CMTM8: variants seen among roughly 807,000 people sequenced by gnomAD.
CMTM8 encodes the protein CKLF-like MARVEL transmembrane domain-containing protein 8.
A neutral mutation model predicts 18.6 loss-of-function variants in CMTM8; 12 were observed. The observed-to-expected ratio is 0.65, with a 90% confidence interval of 0.41 to 1.05. The LOEUF (loss-of-function observed/expected upper bound fraction) is 1.05, where lower values mean the gene tolerates loss of function less well. Among genes scored for constraint, CMTM8 ranks in the 50% least tolerant of loss-of-function variants. The pLI, the probability that CMTM8 is intolerant of heterozygous loss-of-function variation, is 0.00. For synonymous variants in CMTM8, 87 were observed against 90.6 expected, an observed-to-expected ratio of 0.96 and a Z score of 0.23; for missense variants, 217 against 227.2, an observed-to-expected ratio of 0.95 and a Z score of 0.29.
intron 1 of CMTM8, among the ~76,000 whole-genome samples, chr3:32,264,625 C>T (rs550867201): frequency 0.011 from 1,668 of 152,266 alleles, 30 homozygotes; most frequent in African/African-American, 0.038. Flanking sequence ...TGTAAATGGG[C>T]TAAATGCTCC....
rs1701906361 is a variant in CMTM8, at chr3:32,238,947, C to G, written c.-26C>G. ...CCAGACCCGCCGGGGTCCCTGGGGA[C>G]GCGCCAGCCCGGCAGTGGCTCGACG... On this transcript the variant is annotated 5_prime_UTR_variant, in exon 1 of 4. Coordinates refer to ENST00000307526, the MANE Select transcript of CMTM8 (RefSeq NM_178868.5). The G allele has an allele frequency of 6.5e-7, 1 of 1,540,412 alleles. No individual in the cohort carries two copies. Among genetic ancestry groups the G allele is most frequent in the East Asian group, 2.5e-5 (1 of 39,824 alleles).
At chr3:32,318,397 A>T (rs1248749685) in intron 1 of CMTM8, among the ~76,000 whole-genome samples, 4 of 151,916 alleles carry the variant, frequency 2.6e-5, no homozygotes, top group Admixed American at 2.0e-4. Context: ...TCTCATAAAG[A>T]TGTTTGCAGC....
chr3:32,359,101 C>T (rs1696869590), intron 2 of CMTM8, among the ~76,000 whole-genome samples: 1 of 152,162 alleles, frequency 6.6e-6, no homozygotes, highest in South Asian at 2.1e-4. Context: ...CTTATTTCCC[C>T]TTTTGCATGA....
At chr3:32,361,893 A>G (rs1442766080) in intron 2 of CMTM8, among the ~76,000 whole-genome samples, 6 of 152,164 alleles carry the variant, frequency 3.9e-5, no homozygotes, top group Admixed American at 2.0e-4. Flanking sequence ...TGCCTTCTTC[A>G]TAGCACCAAG....
Position 32,367,873 on chromosome 3 carries a change from G to A in CMTM8, c.323G>A (p.Gly108Asp). The change falls in exon 3 of 4, where the codon GGC (glycine) becomes GAC (aspartate). Residue 108 changes from glycine to aspartate, a missense_variant and splice_region_variant. Transcript: ENST00000307526. Reference sequence around the variant, plus strand: ...CACTCTGCCCCTGTGTCCCCCCAGGGCCTGTGCTTTAACGGCAGTGCCTTC... The same window carrying A: ...CACTCTGCCCCTGTGTCCCCCCAGGACCTGTGCTTTAACGGCAGTGCCTTC... ...RIPQVPWTTVGLCFNGSAFVL... is the reference protein window; with the variant it reads ...RIPQVPWTTVDLCFNGSAFVL... 6.2e-7 allele frequency: 1 copy of A among 1,610,670 alleles called. No individual in the cohort carries two copies. The highest frequency in any genetic ancestry group is 8.5e-7 in the Non-Finnish European group (1 of 1,177,226).
chr3:32,247,024 C>T (rs1206021050), intron 1 of CMTM8, among the ~76,000 whole-genome samples: 1 of 152,088 alleles, frequency 6.6e-6, no homozygotes, highest in Non-Finnish European at 1.5e-5. Context: ...TCGCTTGAAC[C>T]TGGGAGGCAG....
At chr3:32,269,137 A>G (rs1185027479) in intron 1 of CMTM8, among the ~76,000 whole-genome samples, 4 of 152,224 alleles carry the variant, frequency 2.6e-5, no homozygotes, top group Non-Finnish European at 4.4e-5. Context: ...GAAAGCAGTT[A>G]TGTTGGCTGA....
intron 1 of CMTM8, among the ~76,000 whole-genome samples, chr3:32,352,616 G>T (rs73824701): frequency 0.028 from 4,332 of 152,284 alleles, 121 homozygotes; most frequent in African/African-American, 0.065. Context: ...ATACTACAGG[G>T]TCCATTTATA....
At chr3:32,368,011 A>C in intron 3 of CMTM8, 23 bp downstream of exon 3, 11 of 1,438,580 alleles carry the variant, frequency 7.6e-6, no homozygotes, top group Non-Finnish European at 1.1e-5. Context: ...CCATCCCCAC[A>C]TGATCCTCCT....
chr3:32,343,112 G>A (rs1003623389), intron 1 of CMTM8, among the ~76,000 whole-genome samples: 3 of 152,212 alleles, frequency 2.0e-5, no homozygotes, highest in African/African-American at 7.2e-5. Context: ...AAGACTATGG[G>A]ATAAATAAAA....
At chr3:32,340,851 A>G (rs769826706) in intron 1 of CMTM8, among the ~76,000 whole-genome samples, 1 of 152,258 alleles carries the variant, frequency 6.6e-6, no homozygotes, top group African/African-American at 2.4e-5. Context: ...CCTCCTGTGC[A>G]GGGACCCAAG....
At chr3:32,325,593 C>T (rs150990855) in intron 1 of CMTM8, among the ~76,000 whole-genome samples, 306 of 152,250 alleles carry the variant, frequency 2.0e-3, no homozygotes, top group Middle Eastern at 3.4e-3. Context: ...GGTCTTAAGG[C>T]GAGGCCTGAA....
chr3:32,347,553 G>T (rs1696625975), intron 1 of CMTM8, among the ~76,000 whole-genome samples: 1 of 152,186 alleles, frequency 6.6e-6, no homozygotes, highest in Middle Eastern at 3.4e-3. Flanking sequence ...TGGGGCCTCA[G>T]TACTCTCAAG....
At chr3:32,302,135 C>CA (rs11425966) in intron 1 of CMTM8, among the ~76,000 whole-genome samples, 40,606 of 136,302 alleles carry the variant, frequency 0.3, 5,924 homozygotes, top group East Asian at 0.66. Flanking sequence ...CCTGTCTCTA[C>CA]AAAAAAAAAA....
chr3:32,360,739 G>A (rs1223568132), intron 2 of CMTM8, among the ~76,000 whole-genome samples: 2 of 152,228 alleles, frequency 1.3e-5, no homozygotes, highest in Non-Finnish European at 2.9e-5. Flanking sequence ...GCTGCTCAAA[G>A]TGTGGTCCCT....
intron 1 of CMTM8, among the ~76,000 whole-genome samples, chr3:32,344,434 T>A (rs139016136): frequency 6.6e-5 from 10 of 152,300 alleles, no homozygotes; most frequent in African/African-American, 1.9e-4. Context: ...GCCCCACCAA[T>A]AGTGCCTAGA....
rs1553602855 is a variant in CMTM8 at position 32,268,590 on chromosome 3, T to TATA, written c.147+29472_147+29473insTAA. On this transcript the variant is annotated intron_variant, in intron 1 of 3. Coordinates refer to ENST00000307526, the MANE Select transcript of CMTM8 (RefSeq NM_178868.5). Reference sequence around the variant, plus strand: ...CACATGTACCCTAGAACTTAAAGTATAAAAAAAAAAAAATACAGAGACCTG... The same window carrying TATA: ...CACATGTACCCTAGAACTTAAAGTATATAAAAAAAAAAAAAATACAGAGACCTG... Among the ~76,000 whole-genome samples the TATA allele has an allele frequency of 2.7e-3, 406 of 147,956 alleles. 4 individuals are homozygous for TATA. The highest frequency in any genetic ancestry group is 9.5e-3 in the African/African-American group (382 of 40,248).
chr3:32,280,319 C>G (rs1001168364), intron 1 of CMTM8, among the ~76,000 whole-genome samples: 1 of 152,170 alleles, frequency 6.6e-6, no homozygotes, highest in African/African-American at 2.4e-5. Flanking sequence ...TTCCTTTGCA[C>G]CCCCACCCAC....
At chr3:32,357,688 A>C in intron 2 of CMTM8, 142 bp downstream of exon 2, 1 of 763,018 alleles carries the variant, frequency 1.3e-6, no homozygotes, top group Non-Finnish European at 2.0e-6. Flanking sequence ...AGATAATCTC[A>C]GCATCATCTA....
Sources: allele counts gnomAD v4.1 joint callset (sites outside exome capture counted in the v4.1 genomes callset), GRCh38; gene constraint gnomAD v4.1.1; transcripts MANE v1.5; gene names NCBI Gene and HGNC (gene_info 2026-07-23, HGNC 2026-07-21).